Variants in CCDC30 observed in about 807,000 individuals in gnomAD.
CCDC30 encodes the protein coiled-coil domain containing 30.
CCDC30 carries 70 observed loss-of-function variants against 100.2 expected under a neutral mutation model. The observed-to-expected ratio is 0.70, with a 90% CI of 0.58 to 0.85. The LOEUF (loss-of-function observed/expected upper bound fraction) is 0.85, where lower values mean the gene tolerates loss of function less well. Ranked by LOEUF, CCDC30 falls within the 40% of genes least tolerant of loss-of-function variation. CCDC30 has a pLI of 0.00. For synonymous variants in CCDC30, 233 were observed against 269.5 expected, an observed-to-expected ratio of 0.86 and a Z score of 1.33; for missense variants, 652 against 771.2, an observed-to-expected ratio of 0.85 and a Z score of 1.83.
At chr1:42,486,902 A>G (rs1644059882) in intron 3 of CCDC30, among the ~76,000 whole-genome samples, 1 of 152,222 alleles carries the variant, frequency 6.6e-6, no homozygotes, top group East Asian at 1.9e-4. Context: ...AAAAGAAGTC[A>G]GATGCAAAAG....
intron 2 of CCDC30, among the ~76,000 whole-genome samples, chr1:42,482,204 C>T (rs888510456): frequency 2.0e-4 from 29 of 145,336 alleles, no homozygotes; most frequent in African/African-American, 7.0e-4. Context: ...GCCTGGGGGA[C>T]CAGGTGAGAC....
chr1:42,456,509 A>G, the CCDC30 span: 1 of 1,429,146 alleles, frequency 7.0e-7, no homozygotes, highest in Non-Finnish European at 9.2e-7. Context: ...GGTAGGCGAG[A>G]AGGGGCGTGG....
intron 10 of CCDC30, among the ~76,000 whole-genome samples, chr1:42,604,376 T>C (rs2148630080): frequency 6.6e-6 from 1 of 152,364 alleles, no homozygotes; most frequent in South Asian, 2.1e-4. Context: ...ACTTGGCCTT[T>C]TCTTCCATCA....
chr1:42,510,789 T>C (rs902757223), intron 6 of CCDC30, among the ~76,000 whole-genome samples: 2 of 151,958 alleles, frequency 1.3e-5, no homozygotes, highest in African/African-American at 4.8e-5. Context: ...ATAAGGGGGA[T>C]CCTCAGATGG....
At position 42,497,302 on chromosome 1, in the gene CCDC30, T is replaced by C. The variant is rs77187702; in HGVS notation, c.357+89T>C. The C allele has an allele frequency of 3.2e-4, 255 of 790,450 alleles. 4 individuals are homozygous for C. The African/African-American group carries it at 4.1e-3, about 13-fold the overall frequency. 49.0% of individuals were successfully genotyped at this position (790,450 alleles called of 1,614,324 possible). ...GCAACACAGGTATACAACATGTAAG[T>C]TGGTCTTTAGCAGGGACCAATACTG... On this transcript the variant is annotated intron_variant, in intron 5 of 16. Transcript: ENST00000668663.
At position 42,603,734 on chromosome 1, in the gene CCDC30, A is replaced by G. The variant is rs112265735; in HGVS notation, c.1165-7244A>G. 6.2e-3 allele frequency among the ~76,000 whole-genome samples: 952 copies of G among 152,342 alleles called. 6 individuals carry two copies. Among genetic ancestry groups the G allele is most frequent in the African/African-American group, 0.021 (889 of 41,572 alleles). On this transcript the variant is annotated intron_variant, in intron 10 of 16. Coordinates refer to ENST00000668663, the Ensembl canonical transcript of CCDC30. ...ACAGTTTGCTGGTTTTCACAAAACT[A>G]AATGTACTCTTACCATATGATCCAG... is the stretch of plus-strand genomic sequence containing the variant.
intron 1 of CCDC30, among the ~76,000 whole-genome samples, chr1:42,479,565 T>TAAAAAAAA (rs150749741): frequency 2.1e-5 from 3 of 139,962 alleles, no homozygotes; most frequent in African/African-American, 5.4e-5. Context: ...AGACATATGC[T>TAAAAAAAA]TAAAAAAAAA....
intron 1 of CCDC30, among the ~76,000 whole-genome samples, chr1:42,479,285 A>C (rs377574155): frequency 1.7e-3 from 256 of 152,272 alleles, no homozygotes; most frequent in African/African-American, 4.9e-3. Context: ...CTGAGTCAGG[A>C]GAATCGCTTG....
Position 42,511,276 on chromosome 1 carries a change from G to T in CCDC30, c.456+12360G>T, listed in dbSNP as rs138628304. On this transcript the variant is annotated intron_variant, in intron 6 of 16. Coordinates refer to ENST00000668663, the Ensembl canonical transcript of CCDC30. ...CATGTGACTCTAGTCCTCCACTTGTGATTTCCCTTTGACTTCCTAGACTTA... is the reference window on the plus strand; with the variant it reads ...CATGTGACTCTAGTCCTCCACTTGTTATTTCCCTTTGACTTCCTAGACTTA... Among the ~76,000 whole-genome samples, 563 of 152,240 alleles carry T rather than the reference G, an allele frequency of 3.7e-3. 2 individuals carry two copies. Among genetic ancestry groups the T allele is most frequent in the African/African-American group, 0.013 (523 of 41,554 alleles).
chr1:42,629,387 G>T (rs1646991245), intron 11 of CCDC30, among the ~76,000 whole-genome samples: 1 of 152,154 alleles, frequency 6.6e-6, no homozygotes, highest in Admixed American at 6.5e-5. Context: ...TGAAAAGTCT[G>T]CTGCCAGACA....
chr1:42,502,427 G>A (rs1376672205), intron 6 of CCDC30, among the ~76,000 whole-genome samples: 5 of 152,312 alleles, frequency 3.3e-5, no homozygotes, highest in East Asian at 3.9e-4. Flanking sequence ...TGCTCTTCCC[G>A]GGTGAGAAGA....
chr1:42,586,696 A>G (rs1646077285), intron 9 of CCDC30, among the ~76,000 whole-genome samples: 1 of 152,124 alleles, frequency 6.6e-6, no homozygotes, highest in African/African-American at 2.4e-5. Context: ...ACTTTACCTT[A>G]AGAGTATGGG....
At chr1:42,597,719 C>G (rs1293979630) in intron 10 of CCDC30, among the ~76,000 whole-genome samples, 1 of 152,054 alleles carries the variant, frequency 6.6e-6, no homozygotes, top group Non-Finnish European at 1.5e-5. Flanking sequence ...TAATATACAA[C>G]TAACCCAAGT....
At chr1:42,603,144 C>CT (rs1646437496) in intron 10 of CCDC30, among the ~76,000 whole-genome samples, 1 of 152,126 alleles carries the variant, frequency 6.6e-6, no homozygotes, top group Non-Finnish European at 1.5e-5. Flanking sequence ...GTTGGGAAGT[C>CT]TAAGATCAGG....
chr1:42,589,500 A>T lies in CCDC30; in HGVS notation c.1164+17A>T. Reference sequence around the variant, plus strand: ...TATGATGAGGTAAGAAAGTAAATAGACATGCTTCTCAGTTTTCCTATTCCC... The same window carrying T: ...TATGATGAGGTAAGAAAGTAAATAGTCATGCTTCTCAGTTTTCCTATTCCC... On this transcript the variant is annotated intron_variant, in intron 10 of 16. Transcript: ENST00000668663. The T allele has an allele frequency of 6.2e-7, 1 of 1,604,686 alleles. No homozygotes were observed. The highest frequency in any genetic ancestry group is 2.2e-5 in the East Asian group (1 of 44,784).
intron 5 of CCDC30, among the ~76,000 whole-genome samples, chr1:42,498,573 T>C (rs1384644371): frequency 6.6e-6 from 1 of 152,220 alleles, no homozygotes; most frequent in Non-Finnish European, 1.5e-5. Flanking sequence ...TACATTTATA[T>C]ATTTAATACA....
intron 3 of CCDC30, among the ~76,000 whole-genome samples, chr1:42,489,403 G>C (rs762236346): frequency 2.0e-5 from 3 of 152,188 alleles, no homozygotes; most frequent in Non-Finnish European, 4.4e-5. Flanking sequence ...TGCAGTTTTA[G>C]GTGAATCTGG....
At chr1:42,519,570 A>T (rs559505156) in intron 6 of CCDC30, among the ~76,000 whole-genome samples, 6 of 151,964 alleles carry the variant, frequency 3.9e-5, no homozygotes, top group Non-Finnish European at 7.4e-5. Context: ...TGTTTTATTG[A>T]GATGGAGTTT....
intron 12 of CCDC30, among the ~76,000 whole-genome samples, chr1:42,642,068 A>G (rs1286382665): frequency 6.6e-6 from 1 of 152,030 alleles, no homozygotes; most frequent in African/African-American, 2.4e-5. Flanking sequence ...TACTAAAAAT[A>G]CAAAAAACTT....
Sources: allele counts gnomAD v4.1 joint callset (sites outside exome capture counted in the v4.1 genomes callset), GRCh38; gene constraint gnomAD v4.1.1; transcripts MANE v1.5; gene names NCBI Gene and HGNC (gene_info 2026-07-23, HGNC 2026-07-21).